METTL15: variants seen among roughly 807,000 people sequenced by gnomAD.
METTL15 encodes 12S rRNA N(4)-cytidine methyltransferase METTL15.
METTL15 carries 34 observed loss-of-function variants against 38.3 expected under a neutral mutation model. The ratio of observed to expected loss-of-function variants is 0.89; its 90% CI spans 0.68 to 1.18. The LOEUF (loss-of-function observed/expected upper bound fraction) is 1.18, where lower values mean the gene tolerates loss of function less well. METTL15 is among the 50% of genes most tolerant of loss of function. The pLI is 0.00. For missense variants in METTL15, 438 were observed against 498.4 expected (o/e 0.88, Z 1.15); for synonymous variants, 162 against 170.9 (o/e 0.95, Z 0.41).
chr11:28,334,359 T>G (rs1849881465), downstream of METTL15, among the ~76,000 whole-genome samples: 1 of 152,090 alleles, frequency 6.6e-6, no homozygotes, highest in Non-Finnish European at 1.5e-5. Context: ...TAAAAATTGC[T>G]TCTGGTTAAA....
At chr11:28,286,491 A>G (rs1338239362) in intron 4 of METTL15, among the ~76,000 whole-genome samples, 1 of 152,140 alleles carries the variant, frequency 6.6e-6, no homozygotes, top group Admixed American at 6.6e-5. Context: ...GCCAACAAAT[A>G]TCCTTTACAG....
At chr11:28,216,594 G>T (rs980999509) in intron 4 of METTL15, among the ~76,000 whole-genome samples, 11 of 151,752 alleles carry the variant, frequency 7.2e-5, no homozygotes, top group African/African-American at 2.7e-4. Flanking sequence ...TAAATTTTAG[G>T]GTACATGTGC....
chr11:28,360,317 G>A (rs1199832873), intron 4 of METTL15, among the ~76,000 whole-genome samples: 1 of 152,130 alleles, frequency 6.6e-6, no homozygotes. Context: ...CCACTCCCCG[G>A]CCATGGCCAA....
intron 4 of METTL15, among the ~76,000 whole-genome samples, chr11:28,288,104 C>T (rs1856358763): frequency 6.6e-6 from 1 of 152,058 alleles, no homozygotes; most frequent in Non-Finnish European, 1.5e-5. Context: ...CAAATCAGAA[C>T]CACAATGAGA....
intron 5 of METTL15, among the ~76,000 whole-genome samples, chr11:28,390,116 T>C (rs1188318390): frequency 6.6e-6 from 1 of 151,890 alleles, no homozygotes; most frequent in East Asian, 1.9e-4. Context: ...TCATTGTAGA[T>C]TCTGGATATT....
chr11:28,439,847 C>T (rs1002045083), intron 6 of METTL15, among the ~76,000 whole-genome samples: 2 of 152,224 alleles, frequency 1.3e-5, no homozygotes, highest in Admixed American at 1.3e-4. Context: ...AAACTTGCCA[C>T]ATGTTAGCAG....
chr11:28,234,239 A>G (rs1352722565), intron 4 of METTL15, among the ~76,000 whole-genome samples: 2 of 151,960 alleles, frequency 1.3e-5, no homozygotes, highest in Non-Finnish European at 2.9e-5. Flanking sequence ...GGTCTTTGCT[A>G]TTGTGAATAG....
In METTL15 at chr11:28,412,444, C is replaced by CGA. The variant is rs369213584; in HGVS notation, c.*359-11839_*359-11838dup. Among the ~76,000 whole-genome samples the CGA allele has an allele frequency of 1.0e-3, 153 of 146,526 alleles. 1 individual carries two copies. The East Asian group carries it at 0.016, about 16-fold the overall frequency. The stretch of plus-strand genomic sequence containing the variant: ...GAGAGAGAGAGAGAAAGAGACCAAA[C>CGA]GAGAGAGAGAGAGAGAGCTCACATT... On this transcript the variant is annotated intron_variant and NMD_transcript_variant, in intron 5 of 7. Transcript: ENST00000532947.
At chr11:28,175,548 G>A (rs989085861) in intron 3 of METTL15, among the ~76,000 whole-genome samples, 4 of 152,088 alleles carry the variant, frequency 2.6e-5, no homozygotes, top group Non-Finnish European at 5.9e-5. Flanking sequence ...GGTTGAACTA[G>A]TTTACATGAA....
intron 4 of METTL15, among the ~76,000 whole-genome samples, chr11:28,264,175 A>C (rs1855319646): frequency 5.9e-5 from 9 of 152,084 alleles, no homozygotes; most frequent in Admixed American, 5.9e-4. Flanking sequence ...ACATGAAAGC[A>C]TTTCGTTTGT....
intron 3 of METTL15, among the ~76,000 whole-genome samples, chr11:28,133,250 G>A (rs1021873333): frequency 2.0e-5 from 3 of 152,138 alleles, no homozygotes; most frequent in African/African-American, 4.8e-5. Context: ...GGTGCAAGGA[G>A]ATTGTAGAAT....
chr11:28,294,444 A>G (rs751187830), intron 5 of METTL15, among the ~76,000 whole-genome samples: 3 of 152,176 alleles, frequency 2.0e-5, no homozygotes, highest in Non-Finnish European at 2.9e-5. Flanking sequence ...TTAACACTAA[A>G]GTCTTAAAAC....
chr11:28,497,912 G>A (rs1387295673), intron 6 of METTL15, among the ~76,000 whole-genome samples: 1 of 152,004 alleles, frequency 6.6e-6, no homozygotes, highest in East Asian at 1.9e-4. Flanking sequence ...AAAGTAGCCA[G>A]GCGTGGTGGT....
Position 28,211,186 on chromosome 11 carries a change from C to A in METTL15, c.395C>A (p.Ser132Ter). The change falls in exon 4 of 7, where the codon TCA (serine) becomes TAA (stop). Residue 132 changes from serine (S) to a stop codon, truncating the protein, a stop_gained. Coordinates refer to ENST00000407364, the MANE Select transcript of METTL15 (RefSeq NM_001113528.2). LOFTEE classifies it high-confidence loss of function. ...PTAYALAEHL[S>*]ELYPKQIRAM... ...GCTTATGCATTAGCTGAACATCTTT[C>A]AGAGTTGTATCCGTAAGTAATACCC... 1 of 1,608,740 alleles carries A rather than the reference C, an allele frequency of 6.2e-7. No homozygotes were observed. Among genetic ancestry groups the A allele is most frequent in the Non-Finnish European group, 8.5e-7 (1 of 1,177,804 alleles).
At chr11:28,513,168 A>G (rs1851690685) in intron 6 of METTL15, among the ~76,000 whole-genome samples, 1 of 152,206 alleles carries the variant, frequency 6.6e-6, no homozygotes, top group Non-Finnish European at 1.5e-5. Flanking sequence ...TAAACATTGC[A>G]TGTCAAGAGA....
chr11:28,527,719 G>A (rs4598653), downstream of METTL15, among the ~76,000 whole-genome samples: 60,528 of 152,082 alleles, frequency 0.4, 13,786 homozygotes, highest in Admixed American at 0.52. Context: ...ATAATTGAAC[G>A]AAGATCTGAC....
At chr11:28,314,075 A>T (rs976864095) in intron 6 of METTL15, among the ~76,000 whole-genome samples, 2 of 152,192 alleles carry the variant, frequency 1.3e-5, no homozygotes, top group Non-Finnish European at 2.9e-5. Context: ...GTGAAAAAAG[A>T]TATCTATAAT....
chr11:28,371,956 T>G (rs1006401836), intron 5 of METTL15, among the ~76,000 whole-genome samples: 1 of 152,046 alleles, frequency 6.6e-6, no homozygotes, highest in Non-Finnish European at 1.5e-5. Context: ...GAACTTCCTC[T>G]TTTTCTATTT....
chr11:28,271,551 A>C (rs1328238553), intron 4 of METTL15, among the ~76,000 whole-genome samples: 1 of 152,192 alleles, frequency 6.6e-6, no homozygotes, highest in Non-Finnish European at 1.5e-5. Context: ...CAAGATCTCT[A>C]TAATTTCTTT....
Sources: gnomAD v4.1 joint callset for allele counts (sites outside exome capture counted in the v4.1 genomes callset) on GRCh38, gnomAD v4.1.1 for gene constraint, MANE v1.5 for transcripts, NCBI Gene and HGNC (gene_info 2026-07-23, HGNC 2026-07-21) for gene names.